ARIH1: variants seen among roughly 807,000 people sequenced by gnomAD.
ARIH1 encodes the protein ariadne RBR E3 ubiquitin protein ligase 1.
A neutral mutation model predicts 85.0 loss-of-function variants in ARIH1; 8 were observed. The observed-to-expected ratio is 0.09, with a 90% CI of 0.06 to 0.17. The LOEUF is 0.17. Among genes scored for constraint, ARIH1 ranks in the 10% least tolerant of loss-of-function variants. The pLI, the probability that ARIH1 is intolerant of heterozygous loss-of-function variation, is 1.00. For missense variants in ARIH1, 311 were observed against 718.1 expected, an observed-to-expected ratio of 0.43 and a Z score of 6.48; for synonymous variants, 238 against 253.6, an observed-to-expected ratio of 0.94 and a Z score of 0.59.
chr15:72,567,298 T>TA, intron 9 of ARIH1, 121 bp downstream of exon 9: 1 of 708,544 alleles, frequency 1.4e-6, no homozygotes, highest in Non-Finnish European at 2.3e-6. Flanking sequence ...CTCCATTGAG[T>TA]CTTTTTTTTT....
intron 6 of ARIH1, 70 bp downstream of exon 6, chr15:72,561,619 A>G (rs2140432080): frequency 3.2e-6 from 3 of 927,706 alleles, no homozygotes; most frequent in Admixed American, 2.9e-5. Context: ...TTTAAAAATT[A>G]TAATTTATTG....
At chr15:72,534,173 AAACT>A (rs1398545999) in intron 2 of ARIH1, among the ~76,000 whole-genome samples, 2 of 152,224 alleles carry the variant, frequency 1.3e-5, no homozygotes, top group East Asian at 3.8e-4. Context: ...AAAACAGTTG[AAACT>A]AAGTTTATAT....
chr15:72,555,570 A>G (rs935607105), intron 4 of ARIH1, among the ~76,000 whole-genome samples: 11 of 152,248 alleles, frequency 7.2e-5, no homozygotes, highest in African/African-American at 1.4e-4. Context: ...GCCGGCATCA[A>G]TATTGGTATA....
chr15:72,583,414 C>A lies in ARIH1; in HGVS notation c.*122C>A. 1 of 655,282 alleles carries A rather than the reference C, an allele frequency of 1.5e-6. No individual in the cohort carries two copies. The highest frequency in any genetic ancestry group is 2.6e-6 in the Non-Finnish European group (1 of 386,506). The allele number at this position is 655,282 out of a possible 1,614,324, so 40.6% of individuals were successfully genotyped here. On this transcript the variant is annotated 3_prime_UTR_variant, in exon 14 of 14. Transcript: ENST00000379887. ...ATTCTGACACCACTGGTCTGTAGTA[C>A]CAGAATTGTTTTGTTAATGGAAAGT... is the stretch of plus-strand genomic sequence containing the variant.
chr15:72,483,823 C>G (rs1164966328), intron 1 of ARIH1, among the ~76,000 whole-genome samples: 2 of 148,342 alleles, frequency 1.3e-5, no homozygotes, highest in Non-Finnish European at 3.0e-5. Context: ...TTAACTCTAG[C>G]TACGTAATGG....
rs147936138 is a variant in ARIH1, at chr15:72,531,027, G to A, written c.443+12893G>A. 3.6e-4 allele frequency among the ~76,000 whole-genome samples: 55 copies of A among 152,262 alleles called. No homozygotes were observed. The East Asian group carries it at 4.6e-3, about 13-fold the overall frequency. ...TGTCATAGATTGAAGAAACATAACA[G>A]TTCCCATGTGTGATAGCTACTTGTT... is the stretch of plus-strand genomic sequence containing the variant. On this transcript the variant is annotated intron_variant, in intron 2 of 13. Transcript: ENST00000379887.
intron 9 of ARIH1, 59 bp downstream of exon 9, chr15:72,567,236 C>G (rs2064224722): frequency 7.1e-7 from 1 of 1,411,954 alleles, no homozygotes; most frequent in African/African-American, 1.5e-5. Context: ...GGTACTTTGG[C>G]ATTAGCAAAA....
intron 1 of ARIH1, 40 bp from the exon 2 acceptor site, chr15:72,518,027 C>A: frequency 6.8e-7 from 1 of 1,475,872 alleles, no homozygotes; most frequent in Non-Finnish European, 9.4e-7. Context: ...CCATGAAGTG[C>A]TATTACCTTA....
chr15:72,536,843 A>G (rs1009368632), intron 2 of ARIH1, among the ~76,000 whole-genome samples: 4 of 152,124 alleles, frequency 2.6e-5, no homozygotes, highest in African/African-American at 9.7e-5. Context: ...CAGTAAGCAA[A>G]CTTAGGAGAT....
rs951348572 is a variant in ARIH1, at chr15:72,600,318, A to G, written c.*17026A>G. ...CATTTGAGGAGATTTGCTAAGGGAA[A>G]TGAAGATCCATCTGTGACACAAGAA... On this transcript the variant is annotated 3_prime_UTR_variant, in exon 14 of 14. Transcript: ENST00000379887. 6.6e-6 allele frequency: 1 copy of G among 152,228 alleles called. No homozygotes were observed. The highest frequency in any genetic ancestry group is 2.4e-5 in the African/African-American group (1 of 41,456). The allele number at this position is 152,228 out of a possible 1,614,324, so 9.4% of individuals were successfully genotyped here.
rs1187579058 is a variant in ARIH1, at chr15:72,602,076, A to G, written c.*18784A>G. On this transcript the variant is annotated 3_prime_UTR_variant, in exon 14 of 14. Coordinates refer to ENST00000379887, the MANE Select transcript of ARIH1 (RefSeq NM_005744.5). The stretch of plus-strand genomic sequence containing the variant: ...GCCATATAATATGGACTTATAATTT[A>G]TTTAACCTCTATCTAGGTTGGTTTT... The G allele has an allele frequency of 1.3e-5, 2 of 152,164 alleles. No individual in the cohort carries two copies. Among genetic ancestry groups the G allele is most frequent in the Non-Finnish European group, 2.9e-5 (2 of 68,032 alleles). 9.4% of individuals were successfully genotyped at this position (152,164 alleles called of 1,614,324 possible). A position where few individuals can be genotyped will look rare whatever the true frequency, so the allele number is the denominator to read the frequency against.
intron 1 of ARIH1, among the ~76,000 whole-genome samples, chr15:72,500,746 G>A (rs970277892): frequency 2.0e-5 from 3 of 152,124 alleles, no homozygotes; most frequent in African/African-American, 7.2e-5. Context: ...TTGAGCATAA[G>A]CATATTATTT....
At chr15:72,495,901 A>G (rs2063877996) in intron 1 of ARIH1, among the ~76,000 whole-genome samples, 1 of 152,108 alleles carries the variant, frequency 6.6e-6, no homozygotes, top group South Asian at 2.1e-4. Flanking sequence ...TATACTATAC[A>G]AAAATATATC....
chr15:72,521,554 T>C (rs917356314), intron 2 of ARIH1, among the ~76,000 whole-genome samples: 3 of 152,130 alleles, frequency 2.0e-5, no homozygotes, highest in African/African-American at 7.2e-5. Context: ...CTAACTTTTT[T>C]TTTTTTAAGA....
rs2140447720 is a variant in ARIH1 at position 72,597,191 on chromosome 15, T to A, written c.*13899T>A. The A allele has an allele frequency of 6.7e-6, 1 of 149,776 alleles. No homozygotes were observed. The highest frequency in any genetic ancestry group is 2.1e-4 in the South Asian group (1 of 4,716). The allele number at this position is 149,776 out of a possible 1,614,324, so 9.3% of individuals were successfully genotyped here. A position where few individuals can be genotyped will look rare whatever the true frequency, so the allele number is the denominator to read the frequency against. The stretch of plus-strand genomic sequence containing the variant: ...TTGTTTTTTTTTCAGGCCACTTGAA[T>A]GGTGGCTCAATCTGATGTATATGAA... On this transcript the variant is annotated 3_prime_UTR_variant, in exon 14 of 14. Coordinates refer to ENST00000379887, the MANE Select transcript of ARIH1 (RefSeq NM_005744.5).
rs942853696 is a variant in ARIH1 at position 72,474,705 on chromosome 15, C to T, written c.66C>T (p.Ser22=). The T allele has an allele frequency of 1.3e-6, 2 of 1,567,556 alleles. No individual in the cohort carries two copies. The highest frequency in any genetic ancestry group is 2.5e-5 in the East Asian group (1 of 39,330). ...ACGAGGAGTGCAGTGAGGAGGACAG[C>T]GGCGCCGAGGAGGAGGAGGACGAAG... is the stretch of plus-strand genomic sequence containing the variant. ...DEDEECSEED[S]GAEEEEDEDD... The change falls in exon 1 of 14, where the codon AGC becomes AGT. Residue 22 remains serine (S), a synonymous_variant. Transcript: ENST00000379887.
At chr15:72,483,599 A>G (rs1035065316) in intron 1 of ARIH1, among the ~76,000 whole-genome samples, 1 of 152,266 alleles carries the variant, frequency 6.6e-6, no homozygotes, top group African/African-American at 2.4e-5. Flanking sequence ...ATGCCTTTCT[A>G]TCCAATCTTT....
intron 13 of ARIH1, 32 bp from the exon 14 acceptor site, chr15:72,583,176 A>T (rs2064301323): frequency 2.0e-5 from 30 of 1,508,212 alleles, no homozygotes; most frequent in Non-Finnish European, 2.6e-5. Context: ...GAGGCTGACA[A>T]CAAGTTTTTT....
chr15:72,502,626 G>A (rs925725920), intron 1 of ARIH1, among the ~76,000 whole-genome samples: 4 of 152,004 alleles, frequency 2.6e-5, no homozygotes, highest in African/African-American at 9.7e-5. Flanking sequence ...GCAACATGGC[G>A]AAACCCTGTC....
Sources: gnomAD v4.1 joint callset for allele counts (sites outside exome capture counted in the v4.1 genomes callset) on GRCh38, gnomAD v4.1.1 for gene constraint, MANE v1.5 for transcripts, NCBI Gene and HGNC (gene_info 2026-07-23, HGNC 2026-07-21) for gene names.